Variants in GRB10 observed in about 807,000 individuals in gnomAD.
GRB10 encodes growth factor receptor bound protein 10.
In GRB10, 20 loss-of-function variants were observed where a neutral mutation model predicts 80.9. The observed-to-expected ratio is 0.25, with a 90% CI of 0.17 to 0.36. GRB10 has a LOEUF of 0.36. GRB10 is among the 10% of genes least tolerant of loss of function. The pLI, the probability that GRB10 is intolerant of heterozygous loss-of-function variation, is 1.00. For missense variants in GRB10, 548 were observed against 747.7 expected (o/e 0.73, Z 3.12); for synonymous variants, 291 against 291.5 (o/e 1.00, Z 0.02).
chr7:50,735,411 T>C lies in GRB10; in HGVS notation c.-46-3043A>G, dbSNP rs1454182846. On this transcript the variant is annotated intron_variant, in intron 3 of 18. Coordinates refer to ENST00000401949, the MANE Select transcript of GRB10 (RefSeq NM_001350814.2). ...AATGCAGTCCCTATCAATATCCTAA[T>C]GATATTTTTTTTTGCAGAAACAGAG... Among the ~76,000 whole-genome samples the C allele has an allele frequency of 2.6e-5, 4 of 152,196 alleles. No individual in the cohort carries two copies. The South Asian group carries it at 6.2e-4, about 24-fold the overall frequency.
At position 50,590,205 on chromosome 7, in the gene GRB10, G is replaced by A. The variant is rs1365135331; in HGVS notation, c.*2747C>T. On this transcript the variant is annotated 3_prime_UTR_variant, in exon 19 of 19. Transcript: ENST00000401949. ...TGTACAGAATGAAGCAAAGCACATG[G>A]AATAAAGGTTTTGTCTCTTCATTAA... is the stretch of plus-strand genomic sequence containing the variant. The A allele has an allele frequency of 6.6e-6, 1 of 152,212 alleles. No homozygotes were observed. The highest frequency in any genetic ancestry group is 1.5e-5 in the Non-Finnish European group (1 of 68,040). 9.4% of individuals were successfully genotyped at this position (152,212 alleles called of 1,614,324 possible).
intron 2 of GRB10, among the ~76,000 whole-genome samples, chr7:50,765,817 CAAG>C (rs1273626420): frequency 6.6e-6 from 1 of 152,018 alleles, no homozygotes; most frequent in African/African-American, 2.4e-5. Flanking sequence ...TTCAAAATAG[CAAG>C]AAGAGAAGAA....
intron 5 of GRB10, among the ~76,000 whole-genome samples, chr7:50,681,930 G>A (rs1024656181): frequency 6.6e-6 from 1 of 152,238 alleles, no homozygotes; most frequent in Non-Finnish European, 1.5e-5. Context: ...CTCTGGGTGT[G>A]TCAGTGCTGA....
chr7:50,605,560 G>A lies in GRB10; in HGVS notation c.1273-154C>T, dbSNP rs189035612. The stretch of plus-strand genomic sequence containing the variant: ...CCAAGTTTCAGGTGGGAAATTCACC[G>A]GTTCAGGCTGAAAATTCAGTGGCCC... On this transcript the variant is annotated intron_variant, in intron 14 of 18. Transcript: ENST00000401949. 4.4e-4 allele frequency among the ~76,000 whole-genome samples: 67 copies of A among 152,320 alleles called. 1 individual carries two copies. The highest frequency in any genetic ancestry group is 3.4e-3 in the Middle Eastern group (1 of 294).
At chr7:50,594,429 G>C (rs1038107311) in intron 18 of GRB10, among the ~76,000 whole-genome samples, 1 of 152,180 alleles carries the variant, frequency 6.6e-6, no homozygotes, top group Non-Finnish European at 1.5e-5. Flanking sequence ...CAAAGTCCTG[G>C]GGGTCAGATA....
chr7:50,748,335 T>A (rs1040960067), intron 3 of GRB10, among the ~76,000 whole-genome samples: 1 of 152,192 alleles, frequency 6.6e-6, no homozygotes, highest in Admixed American at 6.5e-5. Flanking sequence ...CTACCTGCTA[T>A]AGGCCAAGTG....
At chr7:50,639,312 ATGT>A (rs2055694119) in intron 7 of GRB10, among the ~76,000 whole-genome samples, 1 of 152,236 alleles carries the variant, frequency 6.6e-6, no homozygotes, top group South Asian at 2.1e-4. Context: ...AATTAAAAAG[ATGT>A]TGTTTTTAAA....
intron 2 of GRB10, chr7:50,779,024 T>G (rs2077999003): frequency 6.6e-6 from 1 of 152,224 alleles, no homozygotes; most frequent in Non-Finnish European, 1.5e-5. Flanking sequence ...TGGAATAAAG[T>G]ATGGACACAT....
At position 50,775,161 on chromosome 7, in the gene GRB10, CAA is replaced by C. The variant is rs777553621; in HGVS notation, c.-217+5464_-217+5465del. Among the ~76,000 whole-genome samples, 2 of 31,028 alleles carry C rather than the reference CAA, an allele frequency of 6.4e-5. 1 individual carries two copies. The highest frequency in any genetic ancestry group is 8.4e-4 in the Admixed American group (2 of 2,368). 20.4% of individuals were successfully genotyped at this position (31,028 alleles called of 152,430 possible). On this transcript the variant is annotated intron_variant, in intron 2 of 18. Transcript: ENST00000401949. ...GAATGACACAGTGAGATCCTGTCTCCAAAAAAAAAAAACAAAAAAAAACAGTG... is the reference window on the plus strand; with the variant it reads ...GAATGACACAGTGAGATCCTGTCTCCAAAAAAAAAACAAAAAAAAACAGTG...
intron 7 of GRB10, among the ~76,000 whole-genome samples, chr7:50,650,378 G>A (rs2282926): frequency 0.38 from 57,454 of 151,888 alleles, 11,293 homozygotes; most frequent in Middle Eastern, 0.52. Flanking sequence ...CAAGCAGCTG[G>A]TCCTGGGAGG....
intron 7 of GRB10, among the ~76,000 whole-genome samples, chr7:50,640,280 A>G (rs1369894251): frequency 6.6e-6 from 1 of 152,222 alleles, no homozygotes; most frequent in East Asian, 1.9e-4. Context: ...CAAATGGGCT[A>G]TGTGCCACAA....
At chr7:50,729,325 A>G (rs1189307405) in intron 4 of GRB10, 1 of 152,252 alleles carries the variant, frequency 6.6e-6, no homozygotes, top group Admixed American at 6.5e-5. Context: ...AAGTTGTTTC[A>G]TTTCTAATGC....
At chr7:50,667,061 A>AT in intron 7 of GRB10, among the ~76,000 whole-genome samples, 3 of 150,292 alleles carry the variant, frequency 2.0e-5, no homozygotes, top group Admixed American at 2.0e-4. Context: ...AAAAAAAAAA[A>AT]GGAGAGAGGC....
intron 3 of GRB10, among the ~76,000 whole-genome samples, chr7:50,735,337 G>A (rs748367598): frequency 6.6e-6 from 1 of 152,272 alleles, no homozygotes; most frequent in South Asian, 2.1e-4. Context: ...TGTGTTGGAG[G>A]AACTAATATT....
At chr7:50,632,645 T>C (rs960942250) in intron 7 of GRB10, among the ~76,000 whole-genome samples, 2 of 152,134 alleles carry the variant, frequency 1.3e-5, no homozygotes, top group African/African-American at 2.4e-5. Context: ...CTCAGGGCAG[T>C]GCGGATGACT....
chr7:50,719,861 T>A (rs1338590933), intron 4 of GRB10, among the ~76,000 whole-genome samples: 1 of 152,036 alleles, frequency 6.6e-6, no homozygotes, highest in African/African-American at 2.4e-5. Context: ...TATAGGTTTT[T>A]TTTTTTCTTA....
chr7:50,689,185 C>T (rs962591428), intron 5 of GRB10, among the ~76,000 whole-genome samples: 21 of 152,312 alleles, frequency 1.4e-4, no homozygotes, highest in African/African-American at 5.1e-4. Flanking sequence ...CTGATCCCCC[C>T]CATCAGTAGC....
chr7:50,674,207 C>T (rs1055764321), intron 6 of GRB10, among the ~76,000 whole-genome samples: 5 of 152,200 alleles, frequency 3.3e-5, no homozygotes, highest in Middle Eastern at 3.2e-3. Flanking sequence ...ACATAGCAGG[C>T]ACTCAATAAA....
At chr7:50,706,626 T>C (rs2065072977) in intron 4 of GRB10, among the ~76,000 whole-genome samples, 1 of 152,252 alleles carries the variant, frequency 6.6e-6, no homozygotes, top group South Asian at 2.1e-4. Context: ...GGTTTTAATA[T>C]GCAGGTCTAT....
Sources: gnomAD v4.1 joint callset for allele counts (sites outside exome capture counted in the v4.1 genomes callset) on GRCh38, gnomAD v4.1.1 for gene constraint, MANE v1.5 for transcripts, NCBI Gene and HGNC (gene_info 2026-07-23, HGNC 2026-07-21) for gene names.